Variants in MYT1L observed in about 807,000 individuals in gnomAD.
The protein encoded by MYT1L is myelin transcription factor 1-like protein.
MYT1L carries 12 observed loss-of-function variants against 126.7 expected under a neutral mutation model. The observed-to-expected ratio is 0.09, with a 90% confidence interval of 0.06 to 0.15. MYT1L has a LOEUF of 0.15. Ranked by LOEUF, MYT1L falls within the 10% of genes least tolerant of loss-of-function variation. MYT1L has a pLI of 1.00. For missense variants in MYT1L, 979 were observed against 1,585.2 expected (o/e 0.62, Z 6.49); for synonymous variants, 541 against 604.2 (o/e 0.90, Z 1.53).
intron 4 of MYT1L, among the ~76,000 whole-genome samples, chr2:2,048,530 G>A (rs1413800773): frequency 6.6e-6 from 1 of 152,172 alleles, no homozygotes; most frequent in African/African-American, 2.4e-5. Context: ...GACCTATAAG[G>A]CTGTGCCACA....
chr2:2,124,450 C>T lies in MYT1L; in HGVS notation c.-304+48422G>A, dbSNP rs563697933. Among the ~76,000 whole-genome samples the T allele has an allele frequency of 5.9e-5, 9 of 152,124 alleles. No homozygotes were observed. The South Asian group carries it at 1.9e-3, about 32-fold the overall frequency. On this transcript the variant is annotated intron_variant, in intron 3 of 24. Transcript: ENST00000647738. ...AGCTGGGATTACAGGCACGTGCCAC[C>T]ACACCTGGCTGATTTTGGTATTTTT...
chr2:1,860,972 A>C (rs1390463849), intron 18 of MYT1L, among the ~76,000 whole-genome samples: 1 of 150,034 alleles, frequency 6.7e-6, no homozygotes, highest in Non-Finnish European at 1.5e-5. Flanking sequence ...GGCCAGCACC[A>C]CCACTGCTCA....
intron 2 of MYT1L, among the ~76,000 whole-genome samples, chr2:2,281,855 G>A (rs1224280214): frequency 6.6e-6 from 1 of 152,108 alleles, no homozygotes; most frequent in African/African-American, 2.4e-5. Flanking sequence ...GGAATGAGTT[G>A]CCTTGTTGAG....
At chr2:1,981,223 C>T (rs751783508) in intron 5 of MYT1L, among the ~76,000 whole-genome samples, 74 of 152,152 alleles carry the variant, frequency 4.9e-4, no homozygotes, top group African/African-American at 1.6e-3. Context: ...ATTATGGTAT[C>T]GGGGGATAAA....
chr2:2,191,037 A>G (rs910198927), intron 2 of MYT1L, among the ~76,000 whole-genome samples: 1 of 152,182 alleles, frequency 6.6e-6, no homozygotes, highest in African/African-American at 2.4e-5. Context: ...CTCCCGCCTC[A>G]ACCTCCCAAA....
chr2:2,281,176 C>T (rs535996008), intron 2 of MYT1L, among the ~76,000 whole-genome samples: 51 of 152,300 alleles, frequency 3.3e-4, no homozygotes, highest in Non-Finnish European at 5.4e-4. Context: ...TTATCAGGGG[C>T]TTTCCCTGCT....
At chr2:2,299,924 T>G (rs2095757453) in intron 1 of MYT1L, among the ~76,000 whole-genome samples, 1 of 152,214 alleles carries the variant, frequency 6.6e-6, no homozygotes, top group South Asian at 2.1e-4. Flanking sequence ...TCCTTTTAAT[T>G]AACTTTAAAG....
intron 8 of MYT1L, among the ~76,000 whole-genome samples, chr2:1,957,980 C>G (rs1368765275): frequency 1.3e-5 from 2 of 152,212 alleles, no homozygotes; most frequent in Non-Finnish European, 2.9e-5. Context: ...CAGGGAGTGT[C>G]TGATAAGGCA....
chr2:2,197,135 C>T (rs10451673), intron 2 of MYT1L, among the ~76,000 whole-genome samples: 14 of 152,240 alleles, frequency 9.2e-5, no homozygotes, highest in African/African-American at 3.4e-4. Context: ...ATTATTACAA[C>T]TGTTTCTGGT....
Position 1,841,162 on chromosome 2 carries a change from C to CTT in MYT1L, c.2775-321_2775-320dup, listed in dbSNP as rs1209689299. ...CCTCGTGATTTGCCCACCTCGGCCT[C>CTT]TTTTTTTTTTTTTTTTTTTGAGACA... On this transcript the variant is annotated intron_variant, in intron 19 of 24. Transcript: ENST00000647738. 218 of 86,362 alleles carry CTT rather than the reference C, an allele frequency of 2.5e-3. 2 individuals carry two copies. The highest frequency in any genetic ancestry group is 9.2e-3 in the South Asian group (28 of 3,032). 5.3% of individuals were successfully genotyped at this position (86,362 alleles called of 1,614,324 possible). A position where few individuals can be genotyped will look rare whatever the true frequency, so the allele number is the denominator to read the frequency against.
intron 3 of MYT1L, among the ~76,000 whole-genome samples, chr2:2,109,592 T>C (rs2150560267): frequency 6.6e-6 from 1 of 152,184 alleles, no homozygotes; most frequent in South Asian, 2.1e-4. Flanking sequence ...AAAAGAAATT[T>C]TAAGTTATGT....
intron 2 of MYT1L, among the ~76,000 whole-genome samples, chr2:2,215,517 G>A (rs1437292363): frequency 6.6e-6 from 1 of 152,126 alleles, no homozygotes; most frequent in Non-Finnish European, 1.5e-5. Context: ...TAATAACTGA[G>A]TTTAAAGGAC....
intron 22 of MYT1L, among the ~76,000 whole-genome samples, chr2:1,805,420 T>A (rs1414716179): frequency 6.6e-6 from 1 of 152,086 alleles, no homozygotes; most frequent in African/African-American, 2.4e-5. Context: ...ACTGAAGGTA[T>A]AAAAATGACC....
At chr2:1,880,297 G>A (rs6747509) in intron 18 of MYT1L, among the ~76,000 whole-genome samples, 27,632 of 152,066 alleles carry the variant, frequency 0.18, 3,476 homozygotes, top group African/African-American at 0.36. Context: ...AACATTCTTG[G>A]CCTGAGCAAT....
In MYT1L at chr2:2,224,365, T is replaced by C. The variant is rs1045233963; in HGVS notation, c.-420-51377A>G. Among the ~76,000 whole-genome samples the C allele has an allele frequency of 6.6e-6, 1 of 152,080 alleles. No individual in the cohort carries two copies. Among genetic ancestry groups the C allele is most frequent in the Admixed American group, 6.6e-5 (1 of 15,258 alleles). On this transcript the variant is annotated intron_variant, in intron 2 of 24. Transcript: ENST00000647738. The surrounding 1 kb of genome is among the most constrained non-coding windows in gnomAD (Gnocchi z 4.0). ...AAAGGAAGAAGGTCCATGGGCTCAG[T>C]GTCCCTCAAAACTAACATCCCCAAA...
At chr2:1,878,504 A>G (rs893173153) in intron 18 of MYT1L, among the ~76,000 whole-genome samples, 7 of 152,208 alleles carry the variant, frequency 4.6e-5, no homozygotes, top group Non-Finnish European at 1.0e-4. Flanking sequence ...CCACACAAAG[A>G]ACAATATAAA....
At chr2:2,196,956 G>A (rs765702556) in intron 2 of MYT1L, among the ~76,000 whole-genome samples, 3 of 152,082 alleles carry the variant, frequency 2.0e-5, no homozygotes, top group Admixed American at 6.6e-5. Context: ...GCTTTCAAGA[G>A]TCAGATCTGA....
At chr2:1,904,024 AAT>A (rs2050711311) in intron 13 of MYT1L, among the ~76,000 whole-genome samples, 1 of 152,196 alleles carries the variant, frequency 6.6e-6, no homozygotes, top group Non-Finnish European at 1.5e-5. Flanking sequence ...TTATACTTGA[AAT>A]AACTTTAGAC....
At position 2,051,469 on chromosome 2, in the gene MYT1L, A is replaced by G. The variant is rs543441219; in HGVS notation, c.-158+2509T>C. On this transcript the variant is annotated intron_variant, in intron 4 of 24. Transcript: ENST00000647738. ...TGTGACTGAGTACCTAATACGGCCC[A>G]GGAAACATGTCCAGCAATGAACCGC... 3.9e-5 allele frequency among the ~76,000 whole-genome samples: 6 copies of G among 152,286 alleles called. No homozygotes were observed. The East Asian group carries it at 9.7e-4, about 25-fold the overall frequency.
Sources: gnomAD v4.1 joint callset for allele counts (sites outside exome capture counted in the v4.1 genomes callset) on GRCh38, gnomAD v4.1.1 for gene constraint, Gnocchi (gnomAD v3.1) non-coding constraint, MANE v1.5 for transcripts, NCBI Gene and HGNC (gene_info 2026-07-23, HGNC 2026-07-21) for gene names.